Variants in CAMTA1 observed in about 807,000 individuals in gnomAD.
The protein encoded by CAMTA1 is calmodulin-binding transcription activator 1.
Under a neutral mutation model 170.9 loss-of-function variants are expected in CAMTA1, and 27 were observed. That is an observed-to-expected ratio of 0.16 (90% CI 0.12 to 0.22). The LOEUF is 0.22. Among genes scored for constraint, CAMTA1 ranks in the 10% least tolerant of loss-of-function variants. The pLI is 1.00. For missense variants in CAMTA1, 1,619 were observed against 2,217.2 expected (o/e 0.73, Z 5.42); for synonymous variants, 833 against 891.5 (o/e 0.93, Z 1.17).
At chr1:7,576,289 C>T (rs1177438044) in intron 6 of CAMTA1, among the ~76,000 whole-genome samples, 2 of 152,156 alleles carry the variant, frequency 1.3e-5, no homozygotes, top group African/African-American at 4.8e-5. Flanking sequence ...GGATTACAGG[C>T]GTGAACCACC....
At chr1:7,133,312 A>G (rs771395910) in intron 4 of CAMTA1, among the ~76,000 whole-genome samples, 20 of 152,192 alleles carry the variant, frequency 1.3e-4, no homozygotes, top group Non-Finnish European at 2.9e-4. Flanking sequence ...TAATCTTAGT[A>G]CTTCGTGTCT....
intron 5 of CAMTA1, among the ~76,000 whole-genome samples, chr1:7,442,217 C>T (rs1426258042): frequency 1.3e-5 from 2 of 152,142 alleles, no homozygotes; most frequent in East Asian, 3.9e-4. Flanking sequence ...ATCAAATTTC[C>T]TGTGATGAGA....
intron 6 of CAMTA1, among the ~76,000 whole-genome samples, chr1:7,581,401 C>G (rs1397235104): frequency 2.0e-5 from 3 of 152,268 alleles, no homozygotes; most frequent in Non-Finnish European, 2.9e-5. Flanking sequence ...GGCTTCATTA[C>G]TCTGTTCCCT....
At chr1:7,385,886 G>C (rs2087902201) in intron 5 of CAMTA1, among the ~76,000 whole-genome samples, 1 of 152,196 alleles carries the variant, frequency 6.6e-6, no homozygotes, top group African/African-American at 2.4e-5. Flanking sequence ...GTTGTGTCCA[G>C]TGCGGTGCTG....
At chr1:7,165,335 T>G (rs1419856558) in intron 4 of CAMTA1, among the ~76,000 whole-genome samples, 5 of 152,230 alleles carry the variant, frequency 3.3e-5, no homozygotes, top group Admixed American at 2.0e-4. Flanking sequence ...TTAATTTGAT[T>G]TCTTAAAAAG....
intron 3 of CAMTA1, among the ~76,000 whole-genome samples, chr1:6,972,536 G>A (rs1692729945): frequency 6.6e-6 from 1 of 152,128 alleles, no homozygotes; most frequent in Non-Finnish European, 1.5e-5. Flanking sequence ...CCCAGCATCA[G>A]GGTGCTGACC....
chr1:6,880,632 C>G (rs147256499), intron 3 of CAMTA1, among the ~76,000 whole-genome samples: 1 of 152,116 alleles, frequency 6.6e-6, no homozygotes, highest in East Asian at 1.9e-4. Flanking sequence ...TCAAGTGATC[C>G]GCCCGCCTTG....
chr1:6,817,693 G>C (rs1645995888), intron 1 of CAMTA1, among the ~76,000 whole-genome samples: 1 of 152,116 alleles, frequency 6.6e-6, no homozygotes, highest in African/African-American at 2.4e-5. Context: ...GAGTGCAATA[G>C]CATGGTCATG....
chr1:7,740,520 AAG>A (rs1396942129), intron 16 of CAMTA1, among the ~76,000 whole-genome samples: 1 of 152,248 alleles, frequency 6.6e-6, no homozygotes, highest in East Asian at 1.9e-4. Context: ...AGCAGCTCAA[AAG>A]AGGGGAACCA....
intron 15 of CAMTA1, 144 bp downstream of exon 15, chr1:7,737,714 AG>A (rs2150005412): frequency 1.1e-6 from 1 of 887,176 alleles, no homozygotes; most frequent in East Asian, 2.6e-5. Context: ...AAGAATGCCT[AG>A]TGCTGCCCCC....
intron 3 of CAMTA1, among the ~76,000 whole-genome samples, chr1:6,953,278 C>G (rs985855178): frequency 6.6e-6 from 1 of 152,220 alleles, no homozygotes; most frequent in Non-Finnish European, 1.5e-5. Context: ...CGAGAGCTCT[C>G]TCTTTTCACC....
At chr1:7,428,479 C>T (rs2091983239) in intron 5 of CAMTA1, among the ~76,000 whole-genome samples, 1 of 152,102 alleles carries the variant, frequency 6.6e-6, no homozygotes, top group East Asian at 1.9e-4. Flanking sequence ...CCCTGCCCTG[C>T]TCAGTTGCCT....
intron 5 of CAMTA1, among the ~76,000 whole-genome samples, chr1:7,396,385 T>A (rs559117499): frequency 6.6e-6 from 1 of 152,346 alleles, no homozygotes; most frequent in East Asian, 1.9e-4. Flanking sequence ...AAATCTCTTT[T>A]CTTTACAAGT....
chr1:7,604,953 CCT>C (rs1177338099), intron 6 of CAMTA1, among the ~76,000 whole-genome samples: 18 of 152,020 alleles, frequency 1.2e-4, no homozygotes, highest in African/African-American at 4.3e-4. Flanking sequence ...CACTCCAGAC[CCT>C]GTTTGCCTGG....
intron 4 of CAMTA1, among the ~76,000 whole-genome samples, chr1:7,130,342 A>T (rs181343530): frequency 1.3e-5 from 2 of 152,334 alleles, no homozygotes; most frequent in African/African-American, 4.8e-5. Context: ...TCCGTTTTAT[A>T]GATATGCCAC....
intron 5 of CAMTA1, among the ~76,000 whole-genome samples, chr1:7,303,712 T>C (rs1354079182): frequency 6.6e-6 from 1 of 152,150 alleles, no homozygotes; most frequent in Non-Finnish European, 1.5e-5. Context: ...GCATGCCAGA[T>C]GGTCATGAGA....
At chr1:7,083,972 T>TC (rs1640375603) in intron 3 of CAMTA1, among the ~76,000 whole-genome samples, 2 of 151,574 alleles carry the variant, frequency 1.3e-5, no homozygotes, top group African/African-American at 2.4e-5. Context: ...TTTTTTTTTT[T>TC]CCCTTTATTC....
chr1:6,785,982 C>T (rs1183528206), intron 1 of CAMTA1, among the ~76,000 whole-genome samples: 1 of 150,908 alleles, frequency 6.6e-6, no homozygotes, highest in Non-Finnish European at 1.5e-5. Context: ...GTGGGGGCCG[C>T]GGGGCGGAAA....
intron 11 of CAMTA1, among the ~76,000 whole-genome samples, chr1:7,686,243 A>G (rs2096256579): frequency 6.6e-6 from 1 of 152,154 alleles, no homozygotes; most frequent in African/African-American, 2.4e-5. Context: ...AAACTGTCAG[A>G]TGTTGATACC....
Sources: allele counts gnomAD v4.1 joint callset (sites outside exome capture counted in the v4.1 genomes callset), GRCh38; gene constraint gnomAD v4.1.1; transcripts MANE v1.5; gene names NCBI Gene and HGNC (gene_info 2026-07-23, HGNC 2026-07-21).